NAV2: variants seen among roughly 807,000 people sequenced by gnomAD.
The protein encoded by NAV2 is helicase, APC down-regulated 1.
A neutral mutation model predicts 223.2 loss-of-function variants in NAV2; 54 were observed. The observed-to-expected ratio is 0.24, with a 90% CI of 0.19 to 0.30. NAV2 has a LOEUF of 0.30. Ranked by LOEUF, NAV2 falls within the 10% of genes least tolerant of loss-of-function variation. NAV2 has a pLI of 1.00. For synonymous variants in NAV2, 1,279 were observed against 1,239.3 expected, an observed-to-expected ratio of 1.03 and a Z score of -0.67; for missense variants, 2,806 against 3,147.5, an observed-to-expected ratio of 0.89 and a Z score of 2.60.
At chr11:19,682,851 A>G (rs2048916284) in intron 1 of NAV2, among the ~76,000 whole-genome samples, 2 of 152,354 alleles carry the variant, frequency 1.3e-5, no homozygotes, top group African/African-American at 4.8e-5. Flanking sequence ...CCCATCTCCA[A>G]CACTCATTCC....
chr11:19,389,845 T>A (rs1234603373), intron 1 of NAV2, among the ~76,000 whole-genome samples: 2 of 152,210 alleles, frequency 1.3e-5, no homozygotes, highest in African/African-American at 4.8e-5. Context: ...TGCTAAGCTC[T>A]TCATGGTGAA....
intron 1 of NAV2, among the ~76,000 whole-genome samples, chr11:19,485,652 T>A (rs2042418909): frequency 6.6e-6 from 1 of 152,140 alleles, no homozygotes; most frequent in Admixed American, 6.5e-5. Context: ...TAGGTTAAAT[T>A]TTCTTCCCAT....
At position 20,076,014 on chromosome 11, in the gene NAV2, CCT is replaced by C. The variant is rs2059729307; in HGVS notation, c.4984-1537_4984-1536del. Among the ~76,000 whole-genome samples the C allele has an allele frequency of 2.0e-5, 3 of 152,314 alleles. No homozygotes were observed. The South Asian group carries it at 6.2e-4, about 32-fold the overall frequency. On this transcript the variant is annotated intron_variant, in intron 22 of 37. Coordinates refer to ENST00000349880, the MANE Select transcript of NAV2 (RefSeq NM_145117.5). ...TTGTCACTTTCTCATTCCCAAACCT[CCT>C]TTTTTCCCCACAAGTGTCCATGCAT...
intron 1 of NAV2, among the ~76,000 whole-genome samples, chr11:19,798,744 G>A (rs1182652463): frequency 1.3e-5 from 2 of 152,158 alleles, no homozygotes; most frequent in Admixed American, 6.5e-5. Flanking sequence ...GAGAAAAACC[G>A]AGGTTCTGAT....
At chr11:20,059,652 G>A (rs921443742) in intron 19 of NAV2, among the ~76,000 whole-genome samples, 8 of 152,060 alleles carry the variant, frequency 5.3e-5, no homozygotes, top group South Asian at 2.1e-4. Flanking sequence ...AGCGATCTCC[G>A]GACTTCTAGT....
chr11:20,062,750 A>AGT (rs2058785539), intron 20 of NAV2, among the ~76,000 whole-genome samples: 1 of 152,206 alleles, frequency 6.6e-6, no homozygotes, highest in Admixed American at 6.5e-5. Context: ...GCTGGAATGC[A>AGT]GTGGCTTGAT....
intron 1 of NAV2, among the ~76,000 whole-genome samples, chr11:19,515,516 C>A (rs575986542): frequency 1.2e-4 from 18 of 152,218 alleles, no homozygotes; most frequent in Non-Finnish European, 2.4e-4. Context: ...ATTTCAGAAC[C>A]AGAGAGCATT....
chr11:19,569,865 G>T (rs941341063), intron 1 of NAV2, among the ~76,000 whole-genome samples: 72 of 152,136 alleles, frequency 4.7e-4, no homozygotes, highest in African/African-American at 1.6e-3. Context: ...CCCCAGAGTT[G>T]CTGCTTTATA....
intron 9 of NAV2, among the ~76,000 whole-genome samples, chr11:19,947,399 G>A (rs1207064644): frequency 6.6e-6 from 1 of 152,222 alleles, no homozygotes; most frequent in Non-Finnish European, 1.5e-5. Context: ...CGGGGGTTTG[G>A]GGGTGGTACC....
intron 4 of NAV2, among the ~76,000 whole-genome samples, chr11:19,874,531 G>T (rs994701477): frequency 3.9e-5 from 6 of 152,202 alleles, no homozygotes; most frequent in African/African-American, 1.2e-4. Flanking sequence ...AAACATTCTT[G>T]TGGGGCTTTG....
At chr11:19,732,731 A>G (rs750396119) in intron 1 of NAV2, among the ~76,000 whole-genome samples, 5 of 152,134 alleles carry the variant, frequency 3.3e-5, no homozygotes, top group Non-Finnish European at 7.3e-5. Context: ...TTGCCCAGTT[A>G]TGGTCTGGTT....
chr11:19,914,329 T>G (rs929515194), intron 6 of NAV2, among the ~76,000 whole-genome samples: 2 of 152,182 alleles, frequency 1.3e-5, no homozygotes, highest in African/African-American at 4.8e-5. Flanking sequence ...TTTTGCCTAG[T>G]CTGTTCTGCC....
intron 6 of NAV2, among the ~76,000 whole-genome samples, chr11:19,929,549 T>C (rs537422497): frequency 6.6e-6 from 1 of 152,298 alleles, no homozygotes; most frequent in South Asian, 2.1e-4. Flanking sequence ...CTACCTTTTA[T>C]AGTCGTAATG....
In NAV2 at chr11:19,948,910, C is replaced by G. The variant is rs762746158; in HGVS notation, c.2475C>G (p.Ala825=). The change falls in exon 10 of 38, where the codon GCC becomes GCG. Residue 825 remains alanine (A), a synonymous_variant. Transcript: ENST00000349880. ...AGTCAGGTCGCTATGTGTACTCCGCCCCTCTGAGAAGGCAGCTGGCCTCCC... is the reference window on the plus strand; with the variant it reads ...AGTCAGGTCGCTATGTGTACTCCGCGCCTCTGAGAAGGCAGCTGGCCTCCC... ...NTESGRYVYS[A]PLRRQLASRG... The G allele has an allele frequency of 3.1e-6, 5 of 1,614,020 alleles. No individual in the cohort carries two copies. The African/African-American group carries it at 6.7e-5, about 22-fold the overall frequency.
chr11:19,887,564 A>T (rs1302240400), intron 5 of NAV2, among the ~76,000 whole-genome samples: 2 of 152,188 alleles, frequency 1.3e-5, no homozygotes, highest in Non-Finnish European at 2.9e-5. Flanking sequence ...ATGAATAATT[A>T]TAAATATAAA....
intron 1 of NAV2, among the ~76,000 whole-genome samples, chr11:19,613,775 T>C (rs560682228): frequency 6.6e-6 from 1 of 152,302 alleles, no homozygotes; most frequent in Admixed American, 6.5e-5. Context: ...TGTGCCCCAG[T>C]TTCATCCATA....
At chr11:19,484,158 A>ACACACACACACACC (rs1554945487) in intron 1 of NAV2, among the ~76,000 whole-genome samples, 2 of 149,968 alleles carry the variant, frequency 1.3e-5, no homozygotes, top group South Asian at 2.1e-4. Context: ...ACACACACAC[A>ACACACACACACACC]CCCCAAGTCT....
At chr11:19,871,827 G>C (rs1012159680) in intron 4 of NAV2, among the ~76,000 whole-genome samples, 2 of 152,066 alleles carry the variant, frequency 1.3e-5, no homozygotes, top group Admixed American at 6.5e-5. Context: ...GGAATGCCAG[G>C]CCCTCCTTCT....
At chr11:19,898,687 T>C (rs1424409928) in intron 6 of NAV2, among the ~76,000 whole-genome samples, 7 of 152,344 alleles carry the variant, frequency 4.6e-5, no homozygotes, top group Admixed American at 3.3e-4. Context: ...TTCAGTGTAA[T>C]TGCTGTATCA....
Sources: gnomAD v4.1 joint callset for allele counts (sites outside exome capture counted in the v4.1 genomes callset) on GRCh38, gnomAD v4.1.1 for gene constraint, MANE v1.5 for transcripts, NCBI Gene and HGNC (gene_info 2026-07-23, HGNC 2026-07-21) for gene names.